The following CLVS1 variants were observed in gnomAD, a reference collection of about 807,000 sequenced individuals.
The protein encoded by CLVS1 is clavesin 1, also known as clavesin-1.
CLVS1 carries 10 observed loss-of-function variants against 33.1 expected under a neutral mutation model. The ratio of observed to expected loss-of-function variants is 0.30; its 90% CI spans 0.19 to 0.51. The LOEUF is 0.51. Ranked by LOEUF, CLVS1 falls within the 20% of genes least tolerant of loss-of-function variation. The pLI is 0.97. For synonymous variants in CLVS1, 163 were observed against 166.1 expected (o/e 0.98, Z 0.14); for missense variants, 343 against 433.4 (o/e 0.79, Z 1.85).
chr8:61,095,302 TCAAA>T (rs905972172), intron 1 of CLVS1, among the ~76,000 whole-genome samples: 11 of 152,164 alleles, frequency 7.2e-5, no homozygotes, highest in African/African-American at 2.7e-4. Context: ...TTTCAGGAAA[TCAAA>T]CAAACAATAA....
chr8:61,175,592 G>C (rs1008038972), intron 2 of CLVS1, among the ~76,000 whole-genome samples: 35 of 152,196 alleles, frequency 2.3e-4, no homozygotes, highest in African/African-American at 7.7e-4. Context: ...TGGATGACTA[G>C]TGTCCTTATA....
upstream of CLVS1, among the ~76,000 whole-genome samples, chr8:61,287,328 C>CT (rs1360116530): frequency 1.3e-5 from 2 of 152,068 alleles, no homozygotes; most frequent in African/African-American, 2.4e-5. Context: ...AACATTCCTC[C>CT]TTTTTTTCTA....
intron 2 of CLVS1, among the ~76,000 whole-genome samples, chr8:61,223,146 G>C (rs1808255676): frequency 6.6e-6 from 1 of 152,084 alleles, no homozygotes; most frequent in Admixed American, 6.5e-5. Flanking sequence ...GCCAGTCTGT[G>C]TCTTTTAATT....
chr8:61,425,433 A>T lies in CLVS1; in HGVS notation c.631-28708A>T, dbSNP rs1815849407. On this transcript the variant is annotated intron_variant, in intron 3 of 5. Transcript: ENST00000325897. Reference sequence around the variant, plus strand: ...ATGTATCTCAACAGTGATTTTTTTAAAAAAAATAAGTTTTATTTAGACATA... The same window carrying T: ...ATGTATCTCAACAGTGATTTTTTTATAAAAAATAAGTTTTATTTAGACATA... 2.5e-5 allele frequency among the ~76,000 whole-genome samples: 3 copies of T among 117,922 alleles called. No individual in the cohort carries two copies. In the East Asian group the frequency reaches 6.6e-4, roughly 26 times the overall value. The allele number at this position is 117,922 out of a possible 152,430, so 77.4% of individuals were successfully genotyped here. A position where few individuals can be genotyped will look rare whatever the true frequency, so the allele number is the denominator to read the frequency against.
intron 3 of CLVS1, among the ~76,000 whole-genome samples, chr8:61,403,002 T>G (rs1050373391): frequency 1.3e-5 from 2 of 152,164 alleles, no homozygotes; most frequent in African/African-American, 4.8e-5. Context: ...TAAGTACTAT[T>G]AAAAAAACAG....
At chr8:61,027,759 G>A in the CLVS1 span, among the ~76,000 whole-genome samples, 5 of 152,206 alleles carry the variant, frequency 3.3e-5, no homozygotes, top group East Asian at 9.6e-4. Flanking sequence ...GTTAGAAGAT[G>A]ACAAACATCT....
intron 5 of CLVS1, among the ~76,000 whole-genome samples, chr8:61,476,156 ATC>A (rs1817918234): frequency 6.6e-6 from 1 of 152,122 alleles, no homozygotes. Context: ...ATTGATCTAT[ATC>A]TCTGTTTTGG....
intron 1 of CLVS1, among the ~76,000 whole-genome samples, chr8:61,059,580 G>T (rs544822950): frequency 6.7e-6 from 1 of 149,100 alleles, no homozygotes; most frequent in South Asian, 2.1e-4. Context: ...GGAGGCCAAG[G>T]CAAGTGGATC....
At chr8:61,329,708 A>G (rs144235227) in intron 2 of CLVS1, among the ~76,000 whole-genome samples, 9 of 152,362 alleles carry the variant, frequency 5.9e-5, no homozygotes, top group Non-Finnish European at 1.0e-4. Context: ...TGTCATTTAT[A>G]TTATGATCAC....
the CLVS1 span, among the ~76,000 whole-genome samples, chr8:61,000,822 T>A: frequency 2.0e-5 from 3 of 152,158 alleles, no homozygotes; most frequent in African/African-American, 7.2e-5. Context: ...CCCAGAACTT[T>A]CCTAGTTGTG....
At chr8:61,152,351 A>C (rs889866661) in intron 2 of CLVS1, among the ~76,000 whole-genome samples, 1 of 151,868 alleles carries the variant, frequency 6.6e-6, no homozygotes, top group African/African-American at 2.4e-5. Context: ...GAACCTAACT[A>C]CCTCCTGTCT....
intron 2 of CLVS1, among the ~76,000 whole-genome samples, chr8:61,218,227 A>G (rs2931340): frequency 0.48 from 73,041 of 152,094 alleles, 18,344 homozygotes; most frequent in East Asian, 0.82. Flanking sequence ...TGTATTCAAA[A>G]ATAGTCACAA....
intron 1 of CLVS1, among the ~76,000 whole-genome samples, chr8:61,095,368 G>A (rs1805333581): frequency 6.6e-6 from 1 of 152,158 alleles, no homozygotes; most frequent in East Asian, 1.9e-4. Context: ...GCAGGGGCAG[G>A]GCTGGCAGTC....
At chr8:61,155,156 G>C (rs1039491174) in intron 2 of CLVS1, among the ~76,000 whole-genome samples, 6 of 152,170 alleles carry the variant, frequency 3.9e-5, no homozygotes, top group African/African-American at 1.4e-4. Flanking sequence ...GGATAAGTGC[G>C]TATTGTGGGT....
At chr8:61,261,753 T>C (rs761785400) in intron 2 of CLVS1, among the ~76,000 whole-genome samples, 1 of 152,200 alleles carries the variant, frequency 6.6e-6, no homozygotes, top group Non-Finnish European at 1.5e-5. Flanking sequence ...CTGAATCTGC[T>C]GATGTCTTGA....
Position 61,499,610 on chromosome 8 carries a change from C to G in CLVS1, c.*68C>G. The stretch of plus-strand genomic sequence containing the variant: ...GTATCAGCCACCCAGGAAGCACATG[C>G]ACAACTGACCCATGCAGACACGTGT... On this transcript the variant is annotated 3_prime_UTR_variant, in exon 6 of 6. Transcript: ENST00000325897. 8.9e-7 allele frequency: 1 copy of G among 1,120,164 alleles called. No homozygotes were observed. The highest frequency in any genetic ancestry group is 1.4e-6 in the Non-Finnish European group (1 of 734,790). 69.4% of individuals were successfully genotyped at this position (1,120,164 alleles called of 1,614,324 possible).
At chr8:61,406,104 C>T (rs1026571344) in intron 3 of CLVS1, among the ~76,000 whole-genome samples, 8 of 152,136 alleles carry the variant, frequency 5.3e-5, no homozygotes, top group Non-Finnish European at 1.0e-4. Flanking sequence ...ATTTTATCAG[C>T]CAAACACTCT....
intron 3 of CLVS1, among the ~76,000 whole-genome samples, chr8:61,392,498 A>C (rs1814342917): frequency 6.6e-6 from 1 of 152,148 alleles, no homozygotes; most frequent in Non-Finnish European, 1.5e-5. Flanking sequence ...TCCCACTGGT[A>C]CCTCAGCCTG....
the CLVS1 span, among the ~76,000 whole-genome samples, chr8:61,004,690 C>A: frequency 6.6e-6 from 1 of 152,168 alleles, no homozygotes; most frequent in Non-Finnish European, 1.5e-5. Context: ...GGGGCCTGCG[C>A]GGGCCTGGAG....
Sources: allele counts gnomAD v4.1 joint callset (sites outside exome capture counted in the v4.1 genomes callset), GRCh38; gene constraint gnomAD v4.1.1; transcripts MANE v1.5; gene names NCBI Gene and HGNC (gene_info 2026-07-23, HGNC 2026-07-21).